Variants in SLC12A7 observed in about 807,000 individuals in gnomAD.
The protein encoded by SLC12A7 is solute carrier family 12 member 7.
In SLC12A7, 100 loss-of-function variants were observed where a neutral mutation model predicts 120.6. That is an observed-to-expected ratio of 0.83 (90% CI 0.71 to 0.98). The LOEUF is 0.98. Among genes scored for constraint, SLC12A7 ranks in the 50% least tolerant of loss-of-function variants. The pLI, the probability that SLC12A7 is intolerant of heterozygous loss-of-function variation, is 0.00. For missense variants in SLC12A7, 1,373 were observed against 1,548.1 expected (o/e 0.89, Z 1.90); for synonymous variants, 760 against 678.0 (o/e 1.12, Z -1.88).
intron 1 of SLC12A7, among the ~76,000 whole-genome samples, chr5:1,095,168 G>A (rs536127292): frequency 1.4e-4 from 21 of 151,446 alleles, no homozygotes; most frequent in East Asian, 3.9e-4. Flanking sequence ...GGGAGGACAC[G>A]GCAGGGAACC....
At chr5:1,146,864 G>A in the SLC12A7 span, among the ~76,000 whole-genome samples, 1 of 152,148 alleles carries the variant, frequency 6.6e-6, no homozygotes, top group African/African-American at 2.4e-5. The surrounding 1 kb of genome is among the most constrained non-coding windows in gnomAD (Gnocchi z 6.5). Context: ...GAGCTGTCCC[G>A]CCTTTCTGGA....
chr5:1,054,544 A>G (rs928999077), intron 22 of SLC12A7, among the ~76,000 whole-genome samples: 27 of 152,302 alleles, frequency 1.8e-4, no homozygotes, highest in Admixed American at 8.5e-4. Flanking sequence ...TGTGTTGGAA[A>G]AACCCGGCCC....
intron 21 of SLC12A7, among the ~76,000 whole-genome samples, chr5:1,058,422 A>G (rs904989329): frequency 8.5e-5 from 13 of 152,192 alleles, no homozygotes; most frequent in African/African-American, 3.1e-4. Flanking sequence ...CCACCTTGGA[A>G]GTGGTATTTA....
At chr5:1,064,941 G>A (rs1206425123) in intron 18 of SLC12A7, among the ~76,000 whole-genome samples, 1 of 146,884 alleles carries the variant, frequency 6.8e-6, no homozygotes, top group African/African-American at 2.5e-5. Flanking sequence ...GACAGTGAGG[G>A]GACGGCGAAG....
At chr5:1,058,143 C>T (rs956707173) in intron 21 of SLC12A7, among the ~76,000 whole-genome samples, 2 of 152,216 alleles carry the variant, frequency 1.3e-5, no homozygotes, top group African/African-American at 2.4e-5. Context: ...TGGCAGGGGC[C>T]CTGTGGGGCA....
At chr5:1,124,868 G>C in the SLC12A7 span, among the ~76,000 whole-genome samples, 1 of 152,144 alleles carries the variant, frequency 6.6e-6, no homozygotes, top group African/African-American at 2.4e-5. Flanking sequence ...CGAGGCGGCC[G>C]GCCAGACCTC....
chr5:1,096,502 TC>T (rs1741145875), intron 1 of SLC12A7, among the ~76,000 whole-genome samples: 1 of 151,818 alleles, frequency 6.6e-6, no homozygotes. Flanking sequence ...CCAGGGCCCT[TC>T]CCCACTCCTC....
In SLC12A7 at chr5:1,107,153, T is replaced by TAATAC. The variant is rs371885396; in HGVS notation, c.124+4710_124+4714dup. Among the ~76,000 whole-genome samples the TAATAC allele has an allele frequency of 1.9e-3, 291 of 152,346 alleles. 1 individual carries two copies. The highest frequency in any genetic ancestry group is 0.01 in the Middle Eastern group (3 of 294). ...TCTTCTTTCTCTTTCTTTCTTCCCC[T>TAATAC]AATACTCACGCTTTACTCTCTGAAT... On this transcript the variant is annotated intron_variant, in intron 1 of 23. Coordinates refer to ENST00000264930, the MANE Select transcript of SLC12A7 (RefSeq NM_006598.3).
chr5:1,064,125 G>T lies in SLC12A7; in HGVS notation c.2565C>A (p.Gly855=). 6.2e-7 allele frequency: 1 copy of T among 1,610,530 alleles called. No homozygotes were observed. The highest frequency in any genetic ancestry group is 8.5e-7 in the Non-Finnish European group (1 of 1,178,512). Residue 855 remains glycine, a synonymous_variant, in exon 19 of 24, where the codon GGC becomes GGA. Transcript: ENST00000264930. ...HIDVWWIVHD[G]GMLMLLPFLL... ...GGAAGGGCAGCAGCATGAGCATGCC[G>T]CCGTCGTGCACGATCCACCACACGT...
intron 22 of SLC12A7, among the ~76,000 whole-genome samples, chr5:1,054,336 A>C (rs1299886352): frequency 6.6e-6 from 1 of 152,208 alleles, no homozygotes; most frequent in Non-Finnish European, 1.5e-5. Context: ...CCACAGCCCC[A>C]CAGGAGGCTC....
In SLC12A7 at chr5:1,073,658, T is replaced by C; in HGVS notation, c.2216A>G (p.His739Arg). The change falls in exon 17 of 24, where the codon CAC becomes CGC. Residue 739 changes from histidine (H) to arginine (R), a missense_variant. Transcript: ENST00000264930. ...SVLEGTYLDK[H>R]MEAQRAEENI... is the part of the protein sequence containing the mutation. ...CTCCTCGGCCCGCTGAGCCTCCATG[T>C]GCTTGTCCAGGTACGTCCCCTCCAG... The C allele has an allele frequency of 1.2e-6, 2 of 1,604,694 alleles. No homozygotes were observed. The highest frequency in any genetic ancestry group is 1.7e-6 in the Non-Finnish European group (2 of 1,176,268).
At chr5:1,115,484 C>A (rs1233317382), upstream of SLC12A7, among the ~76,000 whole-genome samples, 1 of 152,352 alleles carries the variant, frequency 6.6e-6, no homozygotes, top group East Asian at 1.9e-4. Context: ...CGGGTCCCCC[C>A]AGTCCACTTC....
intron 1 of SLC12A7, 42 bp downstream of exon 1, chr5:1,111,826 G>T (rs1404446092): frequency 4.2e-6 from 5 of 1,195,946 alleles, no homozygotes; most frequent in South Asian, 4.2e-5. Flanking sequence ...ACCCGCGCTC[G>T]GGGCGCTCGG....
chr5:1,087,534 A>T (rs1029379492), intron 5 of SLC12A7, among the ~76,000 whole-genome samples: 1 of 152,228 alleles, frequency 6.6e-6, no homozygotes, highest in African/African-American at 2.4e-5. Flanking sequence ...TGGCATGTGG[A>T]AGGGGTCCTA....
the SLC12A7 span, among the ~76,000 whole-genome samples, chr5:1,123,491 G>A: frequency 6.6e-6 from 1 of 152,188 alleles, no homozygotes; most frequent in Non-Finnish European, 1.5e-5. Flanking sequence ...GAGTTAAGCT[G>A]TCTAGCCTCC....
At chr5:1,056,456 C>T in intron 22 of SLC12A7, 1 of 332,742 alleles carries the variant, frequency 3.0e-6, no homozygotes, top group African/African-American at 2.2e-5. Context: ...CGGACGCACA[C>T]AAGCCACCGT....
At chr5:1,086,376 G>C (rs890535472) in intron 6 of SLC12A7, among the ~76,000 whole-genome samples, 1 of 152,156 alleles carries the variant, frequency 6.6e-6, no homozygotes, top group Admixed American at 6.5e-5. Flanking sequence ...GGCGGTTCCC[G>C]TCCCCACGAG....
chr5:1,129,856 C>T, the SLC12A7 span, among the ~76,000 whole-genome samples: 12 of 152,164 alleles, frequency 7.9e-5, no homozygotes, highest in African/African-American at 1.9e-4. Flanking sequence ...AGGAAAAGAA[C>T]GCCCTGCTGC....
chr5:1,154,118 G>T, the SLC12A7 span, among the ~76,000 whole-genome samples: 1 of 149,802 alleles, frequency 6.7e-6, no homozygotes, highest in East Asian at 2.0e-4. Flanking sequence ...TGTTCCTGAC[G>T]CTAACCCTAA....
Sources: allele counts gnomAD v4.1 joint callset (sites outside exome capture counted in the v4.1 genomes callset), GRCh38; gene constraint gnomAD v4.1.1; non-coding constraint Gnocchi (gnomAD v3.1); transcripts MANE v1.5; gene names NCBI Gene and HGNC (gene_info 2026-07-23, HGNC 2026-07-21).